The following USP6NL variants were observed in gnomAD, a reference collection of about 807,000 sequenced individuals.
USP6NL encodes the protein USP6 N-terminal like.
Under a neutral mutation model 61.9 loss-of-function variants are expected in USP6NL, and 26 were observed. The observed-to-expected ratio is 0.42, with a 90% CI of 0.31 to 0.58. USP6NL has a LOEUF of 0.58. USP6NL is among the 20% of genes least tolerant of loss of function. The pLI, the probability that USP6NL is intolerant of heterozygous loss-of-function variation, is 0.16. For missense variants in USP6NL, 1,114 were observed against 1,034.3 expected (o/e 1.08, Z -1.06); for synonymous variants, 432 against 390.1 (o/e 1.11, Z -1.27).
At chr10:11,483,721 G>A (rs866174052) in intron 13 of USP6NL, among the ~76,000 whole-genome samples, 6 of 143,612 alleles carry the variant, frequency 4.2e-5, no homozygotes, top group East Asian at 4.2e-4. Context: ...TTGGGGGGCC[G>A]GTGCGGGGAG....
intron 14 of USP6NL, among the ~76,000 whole-genome samples, chr10:11,469,230 C>T (rs1433654166): frequency 6.6e-6 from 1 of 152,190 alleles, no homozygotes; most frequent in Non-Finnish European, 1.5e-5. Flanking sequence ...CTTTTCCCTC[C>T]CCCTAGTAGG....
intron 2 of USP6NL, among the ~76,000 whole-genome samples, chr10:11,593,775 GC>G: frequency 6.6e-6 from 1 of 152,202 alleles, no homozygotes; most frequent in East Asian, 1.9e-4. Context: ...CCAAGAGGGT[GC>G]CATGGCAGTG....
At chr10:11,509,993 A>T (rs547781684) in intron 5 of USP6NL, among the ~76,000 whole-genome samples, 1 of 151,492 alleles carries the variant, frequency 6.6e-6, no homozygotes, top group Non-Finnish European at 1.5e-5. Flanking sequence ...ATATTTTACA[A>T]AGCAACAAAA....
Position 11,585,056 on chromosome 10 carries a change from TGA to T in USP6NL, c.4+12573_4+12574del, listed in dbSNP as rs1263913460. ...AAGGAGCATTCAAAGTTAAAATCTGTGATTTTTCCATAATCATTTTGGGAGAA... is the reference window on the plus strand; with the variant it reads ...AAGGAGCATTCAAAGTTAAAATCTGTTTTTTCCATAATCATTTTGGGAGAA... On this transcript the variant is annotated intron_variant, in intron 2 of 14. Coordinates refer to ENST00000609104, the MANE Select transcript of USP6NL (RefSeq NM_014688.5). This position sits in a 1 kb window ranked among gnomAD's most constrained non-coding sequence, Gnocchi z 4.5. Among the ~76,000 whole-genome samples the T allele has an allele frequency of 6.6e-6, 1 of 152,230 alleles. No homozygotes were observed. Among genetic ancestry groups the T allele is most frequent in the African/African-American group, 2.4e-5 (1 of 41,448 alleles).
intron 2 of USP6NL, among the ~76,000 whole-genome samples, chr10:11,530,069 T>C (rs1398870773): frequency 7.9e-6 from 1 of 126,552 alleles, no homozygotes. Context: ...GCCACTGCAC[T>C]CCAGCCTGGG....
intron 14 of USP6NL, among the ~76,000 whole-genome samples, chr10:11,467,259 A>G (rs1442264527): frequency 6.6e-6 from 1 of 152,244 alleles, no homozygotes; most frequent in African/African-American, 2.4e-5. Context: ...TTAAATAAAG[A>G]ATATGAACAG....
intron 10 of USP6NL, 151 bp downstream of exon 10, chr10:11,488,951 A>T: frequency 9.8e-7 from 1 of 1,019,222 alleles, no homozygotes; most frequent in Non-Finnish European, 1.4e-6. Context: ...ATGAAAAATG[A>T]AAGAAGAAAC....
At position 11,466,176 on chromosome 10, in the gene USP6NL, A is replaced by G. The variant is rs537236774; in HGVS notation, c.1079-2327T>C. Among the ~76,000 whole-genome samples the G allele has an allele frequency of 4.6e-5, 7 of 152,346 alleles. No homozygotes were observed. The East Asian group carries it at 1.3e-3, about 29-fold the overall frequency. ...TCGGCTTCCAAAGTGTTTTCCCTAG[A>G]CACTCAGCTATCACTATTTATTGAT... On this transcript the variant is annotated intron_variant, in intron 14 of 14. Transcript: ENST00000609104.
intron 2 of USP6NL, among the ~76,000 whole-genome samples, chr10:11,560,949 C>T (rs1053845110): frequency 2.0e-5 from 3 of 151,672 alleles, no homozygotes; most frequent in Non-Finnish European, 4.4e-5. Context: ...TAATAATGTA[C>T]AAGAAGTAAC....
In USP6NL at chr10:11,585,396, C is replaced by T. The variant is rs1837927498; in HGVS notation, c.4+12235G>A. On this transcript the variant is annotated intron_variant, in intron 2 of 14. Coordinates refer to ENST00000609104, the MANE Select transcript of USP6NL (RefSeq NM_014688.5). This position sits in a 1 kb window ranked among gnomAD's most constrained non-coding sequence, Gnocchi z 4.5. Reference sequence around the variant, plus strand: ...AGGGTTCCAAAGATGTATTTGTACACCCATGGTTCACAGCAGCATAATTCG... The same window carrying T: ...AGGGTTCCAAAGATGTATTTGTACATCCATGGTTCACAGCAGCATAATTCG... 6.6e-6 allele frequency among the ~76,000 whole-genome samples: 1 copy of T among 152,194 alleles called. No individual in the cohort carries two copies. Among genetic ancestry groups the T allele is most frequent in the Admixed American group, 6.5e-5 (1 of 15,282 alleles).
intron 2 of USP6NL, among the ~76,000 whole-genome samples, chr10:11,541,778 T>G (rs952516626): frequency 2.0e-5 from 3 of 152,040 alleles, no homozygotes; most frequent in African/African-American, 7.2e-5. Context: ...ATCATCTACC[T>G]ACTGTGGAAA....
At chr10:11,584,738 A>G (rs1325914164) in intron 2 of USP6NL, among the ~76,000 whole-genome samples, 2 of 152,132 alleles carry the variant, frequency 1.3e-5, no homozygotes, top group East Asian at 3.9e-4. Context: ...GGAGTTCAAA[A>G]CCAGCCTGGT....
At chr10:11,559,489 G>A (rs1164840026) in intron 2 of USP6NL, among the ~76,000 whole-genome samples, 1 of 152,128 alleles carries the variant, frequency 6.6e-6, no homozygotes, top group African/African-American at 2.4e-5. Context: ...ACAGCTTGGA[G>A]AGTAATAATC....
Position 11,574,393 on chromosome 10 carries a change from C to T in USP6NL, c.4+23238G>A, listed in dbSNP as rs763524630. On this transcript the variant is annotated intron_variant, in intron 2 of 14. Transcript: ENST00000609104. This position sits in a 1 kb window ranked among gnomAD's most constrained non-coding sequence, Gnocchi z 4.3. ...AAATTCCCATAGGAGTCTGTAAATT[C>T]AATGGTCTCAACATCCAGCGGCATG... 6.6e-6 allele frequency among the ~76,000 whole-genome samples: 1 copy of T among 152,160 alleles called. No homozygotes were observed. The highest frequency in any genetic ancestry group is 1.5e-5 in the Non-Finnish European group (1 of 68,032).
At position 11,491,206 on chromosome 10, in the gene USP6NL, CCTTTTGAAGG is replaced by C. The variant is rs1833696433; in HGVS notation, c.495-336_495-327del. Among the ~76,000 whole-genome samples, 1 of 152,160 alleles carries C rather than the reference CCTTTTGAAGG, an allele frequency of 6.6e-6. No homozygotes were observed. Among genetic ancestry groups the C allele is most frequent in the African/African-American group, 2.4e-5 (1 of 41,430 alleles). Reference sequence around the variant, plus strand: ...CTGGCTTGACAGAATGGTGGAATGGCCTTTTGAAGGCTCAGTGACATTGCCAGCAAGGTAC... The same window carrying C: ...CTGGCTTGACAGAATGGTGGAATGGCCTCAGTGACATTGCCAGCAAGGTAC... On this transcript the variant is annotated intron_variant, in intron 8 of 14. Coordinates refer to ENST00000609104, the MANE Select transcript of USP6NL (RefSeq NM_014688.5). The surrounding 1 kb of genome is among the most constrained non-coding windows in gnomAD (Gnocchi z 4.7).
intron 2 of USP6NL, among the ~76,000 whole-genome samples, chr10:11,581,685 T>C (rs1837779172): frequency 6.6e-6 from 1 of 152,270 alleles, no homozygotes; most frequent in Admixed American, 6.5e-5. Context: ...AAACCATTTC[T>C]AACTCTTCTC....
At chr10:11,541,378 T>C (rs1174019771) in intron 2 of USP6NL, among the ~76,000 whole-genome samples, 1 of 150,808 alleles carries the variant, frequency 6.6e-6, no homozygotes, top group Non-Finnish European at 1.5e-5. Flanking sequence ...ATGCTTTATG[T>C]ATATTACCTC....
chr10:11,547,716 A>G (rs1178178232), intron 2 of USP6NL, among the ~76,000 whole-genome samples: 1 of 151,768 alleles, frequency 6.6e-6, no homozygotes, highest in East Asian at 1.9e-4. Context: ...AATTTTTTGT[A>G]TTTTTAGTAG....
rs1210505571 is a variant in USP6NL, at chr10:11,536,835, C to T, written c.5-9268G>A. ...AAAACCCATTTATCTCCATCTTGCTCCCCCTATTAGCATATAATCTTAGAA... is the reference window on the plus strand; with the variant it reads ...AAAACCCATTTATCTCCATCTTGCTTCCCCTATTAGCATATAATCTTAGAA... On this transcript the variant is annotated intron_variant, in intron 2 of 14. Transcript: ENST00000609104. 2.6e-5 allele frequency among the ~76,000 whole-genome samples: 4 copies of T among 152,196 alleles called. No individual in the cohort carries two copies. In the East Asian group the frequency reaches 7.7e-4, roughly 29 times the overall value.
Sources: allele counts gnomAD v4.1 joint callset (sites outside exome capture counted in the v4.1 genomes callset), GRCh38; gene constraint gnomAD v4.1.1; non-coding constraint Gnocchi (gnomAD v3.1); transcripts MANE v1.5; gene names NCBI Gene and HGNC (gene_info 2026-07-23, HGNC 2026-07-21).